The following NCOR2 variants were observed in gnomAD, a reference collection of about 807,000 sequenced individuals.
NCOR2 encodes nuclear receptor corepressor 2.
NCOR2 carries 81 observed loss-of-function variants against 262.9 expected under a neutral mutation model. The ratio of observed to expected loss-of-function variants is 0.31; its 90% CI spans 0.26 to 0.37. NCOR2 has a LOEUF of 0.37. Among genes scored for constraint, NCOR2 ranks in the 10% least tolerant of loss-of-function variants. NCOR2 has a pLI of 1.00. For synonymous variants in NCOR2, 1,659 were observed against 1,559.3 expected (o/e 1.06, Z -1.51); for missense variants, 3,385 against 3,621.4 (o/e 0.93, Z 1.68).
Position 124,331,138 on chromosome 12 carries a change from C to T in NCOR2, c.6905-240G>A, listed in dbSNP as rs560207746. 3.3e-3 allele frequency among the ~76,000 whole-genome samples: 499 copies of T among 151,980 alleles called. 3 individuals carry two copies. The highest frequency in any genetic ancestry group is 4.3e-3 in the Non-Finnish European group (292 of 67,954). ...AGTGCAGTTGTGCAATCTCGGCTCC[C>T]TGCAACCTCCGCCTCCCAGGTTCAA... On this transcript the variant is annotated intron_variant, in intron 43 of 46. Transcript: ENST00000405201.
chr12:124,458,181 C>A (rs2045980006), intron 5 of NCOR2, among the ~76,000 whole-genome samples: 1 of 152,362 alleles, frequency 6.6e-6, no homozygotes, highest in Admixed American at 6.5e-5. Flanking sequence ...AAACTGTCCC[C>A]AGTGACCCCA....
At chr12:124,462,621 C>G (rs2046227023) in intron 5 of NCOR2, among the ~76,000 whole-genome samples, 1 of 152,198 alleles carries the variant, frequency 6.6e-6, no homozygotes. Context: ...GCATGGAGGC[C>G]AGAGGTGGGG....
Position 124,523,278 on chromosome 12 carries a change from G to T in NCOR2, c.-118+12287C>A, listed in dbSNP as rs540691648. On this transcript the variant is annotated intron_variant, in intron 1 of 46. Coordinates refer to the NCOR2 transcript ENST00000404621. The surrounding 1 kb of genome is among the most constrained non-coding windows in gnomAD (Gnocchi z 4.0). Reference sequence around the variant, plus strand: ...TTCCAACTGCAGCACCATCCGGCACGCCAGAATACCATGGGCACCCAGCAA... The same window carrying T: ...TTCCAACTGCAGCACCATCCGGCACTCCAGAATACCATGGGCACCCAGCAA... Among the ~76,000 whole-genome samples the T allele has an allele frequency of 6.6e-6, 1 of 152,148 alleles. No homozygotes were observed. The highest frequency in any genetic ancestry group is 1.5e-5 in the Non-Finnish European group (1 of 68,024).
intron 40 of NCOR2, 159 bp downstream of exon 42, chr12:124,334,976 T>A: frequency 1.8e-6 from 2 of 1,106,386 alleles, no homozygotes; most frequent in Non-Finnish European, 2.6e-6. Flanking sequence ...GGCTTTGGGA[T>A]CTCACCCTCA....
At chr12:124,419,470 A>G (rs1354171266) in intron 13 of NCOR2, among the ~76,000 whole-genome samples, 2 of 152,228 alleles carry the variant, frequency 1.3e-5, no homozygotes, top group African/African-American at 4.8e-5. Context: ...TTTCAGTCTC[A>G]TCCCAAGCAA....
intron 7 of NCOR2, among the ~76,000 whole-genome samples, chr12:124,442,966 A>AG (rs2044910157): frequency 6.6e-6 from 1 of 152,224 alleles, no homozygotes; most frequent in Non-Finnish European, 1.5e-5. Context: ...CTCCCAGCCA[A>AG]GGAACGCCAA....
chr12:124,539,249 T>C (rs1465718626), upstream of NCOR2: 1 of 152,572 alleles, frequency 6.6e-6, no homozygotes, highest in Non-Finnish European at 1.5e-5. This position sits in a 1 kb window ranked among gnomAD's most constrained non-coding sequence, Gnocchi z 5.1. Context: ...ACTCACTCGC[T>C]CAAGGCCGCA....
At chr12:124,404,094 G>T (rs1277939833) in intron 13 of NCOR2, among the ~76,000 whole-genome samples, 1 of 152,262 alleles carries the variant, frequency 6.6e-6, no homozygotes, top group African/African-American at 2.4e-5. Flanking sequence ...ACAGCCGGCA[G>T]GTGAAGCCTC....
chr12:124,445,164 G>A (rs77879052), intron 7 of NCOR2, among the ~76,000 whole-genome samples: 2 of 152,230 alleles, frequency 1.3e-5, no homozygotes, highest in African/African-American at 2.4e-5. Context: ...CCCCCGGGCA[G>A]GCAGAGGCAG....
upstream of NCOR2, among the ~76,000 whole-genome samples, chr12:124,496,198 G>A (rs181739154): frequency 1.6e-4 from 25 of 151,652 alleles, no homozygotes; most frequent in Admixed American, 4.6e-4. The surrounding 1 kb of genome is among the most constrained non-coding windows in gnomAD (Gnocchi z 4.4). Flanking sequence ...CCCCTACTCC[G>A]AAGCTGCCTT....
intron 1 of NCOR2, among the ~76,000 whole-genome samples, chr12:124,556,741 A>G (rs983983213): frequency 2.0e-5 from 3 of 152,098 alleles, no homozygotes; most frequent in Non-Finnish European, 4.4e-5. Flanking sequence ...TCCGTTACTC[A>G]GGTGGCTGAG....
In NCOR2 at chr12:124,440,447, G is replaced by A. The variant is rs150485217; in HGVS notation, c.816-2451C>T. The stretch of plus-strand genomic sequence containing the variant: ...CGCCCCCCGGCCAGGGTGGGCCATG[G>A]GGGTCCTCAGTCCCACAGGCTAGGA... On this transcript the variant is annotated intron_variant, in intron 7 of 46. Coordinates refer to ENST00000405201, the Ensembl canonical transcript of NCOR2. This position sits in a 1 kb window ranked among gnomAD's most constrained non-coding sequence, Gnocchi z 5.7. 1.8e-3 allele frequency among the ~76,000 whole-genome samples: 272 copies of A among 152,292 alleles called. 1 individual carries two copies. Among genetic ancestry groups the A allele is most frequent in the African/African-American group, 6.2e-3 (256 of 41,560 alleles).
rs993186351 is a variant in NCOR2, at chr12:124,548,185, T to G, written c.-164-12574A>C. Reference sequence around the variant, plus strand: ...AACGTGCACTGAGCTGGGACCTGAATGGCAGCAAGGAGCCAGCTGTGTCAA... The same window carrying G: ...AACGTGCACTGAGCTGGGACCTGAAGGGCAGCAAGGAGCCAGCTGTGTCAA... On this transcript the variant is annotated intron_variant, in intron 1 of 32. Coordinates refer to the NCOR2 transcript ENST00000458234. The surrounding 1 kb of genome is among the most constrained non-coding windows in gnomAD (Gnocchi z 5.1). Among the ~76,000 whole-genome samples the G allele has an allele frequency of 4.6e-5, 7 of 152,098 alleles. No individual in the cohort carries two copies. Among genetic ancestry groups the G allele is most frequent in the African/African-American group, 1.7e-4 (7 of 41,424 alleles).
chr12:124,501,062 G>GCGCA (rs1555232719), intron 1 of NCOR2, among the ~76,000 whole-genome samples: 37 of 147,916 alleles, frequency 2.5e-4, no homozygotes, highest in East Asian at 1.7e-3. Flanking sequence ...GCGCACGCGC[G>GCGCA]CACACACACA....
chr12:124,355,553 C>A (rs1230144910), exon 24 of NCOR2: 29 of 1,580,952 alleles, frequency 1.8e-5, no homozygotes, highest in Non-Finnish European at 2.4e-5. Context: ...GTCATGGAGG[C>A]CCAGGGGCAG....
chr12:124,500,237 C>T (rs555731707), upstream of NCOR2, among the ~76,000 whole-genome samples: 9 of 152,292 alleles, frequency 5.9e-5, no homozygotes, highest in Middle Eastern at 3.4e-3. Context: ...GCCCCAGGGC[C>T]CCTGCTGGCC....
intron 13 of NCOR2, among the ~76,000 whole-genome samples, chr12:124,405,857 C>T (rs1025316872): frequency 2.0e-5 from 3 of 152,140 alleles, no homozygotes; most frequent in Admixed American, 1.3e-4. Context: ...GGTCTTGGGC[C>T]TGTCCATAGA....
At chr12:124,351,103 G>A (rs766258498) in intron 27 of NCOR2, among the ~76,000 whole-genome samples, 6 of 152,166 alleles carry the variant, frequency 3.9e-5, no homozygotes, top group Non-Finnish European at 5.9e-5. Flanking sequence ...CTAATAAGGG[G>A]CAGGCGGGGA....
At chr12:124,430,695 C>T in exon 9 of NCOR2, 1 of 1,614,186 alleles carries the variant, frequency 6.2e-7, no homozygotes, top group Non-Finnish European at 8.5e-7. Context: ...CCTTGCTCTC[C>T]TTGGCCCGCC....
Sources: allele counts gnomAD v4.1 joint callset (sites outside exome capture counted in the v4.1 genomes callset), GRCh38; gene constraint gnomAD v4.1.1; non-coding constraint Gnocchi (gnomAD v3.1); transcripts MANE v1.5; gene names NCBI Gene and HGNC (gene_info 2026-07-23, HGNC 2026-07-21).